The following USP43 variants were observed in gnomAD, a reference collection of about 807,000 sequenced individuals.
USP43 encodes ubiquitin specific peptidase 43, also known as ubiquitin carboxyl-terminal hydrolase 43.
Under a neutral mutation model 90.7 loss-of-function variants are expected in USP43, and 33 were observed. That is an observed-to-expected ratio of 0.36 (90% confidence interval 0.28 to 0.49). The LOEUF (loss-of-function observed/expected upper bound fraction) is 0.49. Among genes scored for constraint, USP43 ranks in the 20% least tolerant of loss-of-function variants. The pLI, the probability that USP43 is intolerant of heterozygous loss-of-function variation, is 0.98. For missense variants in USP43, 1,274 were observed against 1,476.4 expected (o/e 0.86, Z 2.25); for synonymous variants, 598 against 615.8 (o/e 0.97, Z 0.43).
At chr17:9,669,308 C>T (rs1489157660) in intron 3 of USP43, among the ~76,000 whole-genome samples, 3 of 152,164 alleles carry the variant, frequency 2.0e-5, no homozygotes, top group African/African-American at 7.2e-5. Context: ...CACTGATCAT[C>T]GCCAGCAGGT....
At chr17:9,650,448 G>T (rs561647735) in intron 1 of USP43, among the ~76,000 whole-genome samples, 2 of 152,092 alleles carry the variant, frequency 1.3e-5, no homozygotes, top group Non-Finnish European at 2.9e-5. Flanking sequence ...TGTCGCCCAG[G>T]CTGGAGTGCA....
chr17:9,711,911 T>C, intron 13 of USP43, 57 bp from the exon 14 acceptor site: 1 of 1,504,344 alleles, frequency 6.6e-7, no homozygotes. Context: ...GATGCTCCGC[T>C]AGGACTCTGA....
chr17:9,657,438 T>C (rs1270180052), intron 2 of USP43, among the ~76,000 whole-genome samples: 3 of 149,220 alleles, frequency 2.0e-5, no homozygotes, highest in African/African-American at 7.5e-5. Flanking sequence ...ATGTGGGAGG[T>C]GGAGTGAGCT....
chr17:9,689,839 AAAC>A (rs1452756973), intron 8 of USP43, among the ~76,000 whole-genome samples: 2 of 152,162 alleles, frequency 1.3e-5, no homozygotes, highest in African/African-American at 4.8e-5. Context: ...TTTGCTGTCC[AAAC>A]AACAAGGCTC....
chr17:9,724,932 G>A (rs1917179325), intron 14 of USP43, among the ~76,000 whole-genome samples: 1 of 131,604 alleles, frequency 7.6e-6, no homozygotes, highest in Non-Finnish European at 1.5e-5. Flanking sequence ...TCTGTGGCGG[G>A]GGGCAGGGGG....
At chr17:9,690,952 C>T (rs1914907603) in intron 8 of USP43, among the ~76,000 whole-genome samples, 1 of 152,136 alleles carries the variant, frequency 6.6e-6, no homozygotes, top group South Asian at 2.1e-4. Context: ...CTCCTTGTAG[C>T]TACCATTCTA....
chr17:9,679,516 CTTTTTTT>C lies in USP43; in HGVS notation c.970-695_970-689del, dbSNP rs544977324. ...CACGGTGCCCAGCCCTGAAATGCATCTTTTTTTTTTTTTTTTTTTTTTTTTTAATGAC... is the reference window on the plus strand; with the variant it reads ...CACGGTGCCCAGCCCTGAAATGCATCTTTTTTTTTTTTTTTTTTTAATGAC... On this transcript the variant is annotated intron_variant, in intron 5 of 14. Coordinates refer to ENST00000285199, the MANE Select transcript of USP43 (RefSeq NM_153210.5). 2.1e-4 allele frequency among the ~76,000 whole-genome samples: 17 copies of C among 82,310 alleles called. No individual in the cohort carries two copies. The East Asian group carries it at 5.5e-3, about 26-fold the overall frequency. The allele number at this position is 82,310 out of a possible 152,430, so 54.0% of individuals were successfully genotyped here. A position where few individuals can be genotyped will look rare whatever the true frequency, so the allele number is the denominator to read the frequency against.
intron 6 of USP43, among the ~76,000 whole-genome samples, chr17:9,681,770 A>C (rs1483227241): frequency 6.6e-6 from 1 of 151,942 alleles, no homozygotes; most frequent in Non-Finnish European, 1.5e-5. Flanking sequence ...CTGGGATTAC[A>C]GGTGTGAGCC....
chr17:9,658,144 T>C (rs1410897211), intron 2 of USP43, among the ~76,000 whole-genome samples: 3 of 152,214 alleles, frequency 2.0e-5, no homozygotes, highest in Non-Finnish European at 4.4e-5. Flanking sequence ...ATTCTCATTC[T>C]TTTCATTAAT....
At chr17:9,710,206 G>T in intron 13 of USP43, 92 bp downstream of exon 13, 1 of 1,312,654 alleles carries the variant, frequency 7.6e-7, no homozygotes, top group Non-Finnish European at 9.8e-7. Flanking sequence ...GACCAGGAGA[G>T]GTTGGCAAGG....
At position 9,710,500 on chromosome 17, in the gene USP43, C is replaced by CTTTTTT. The variant is rs753636549; in HGVS notation, c.2170+404_2170+409dup. On this transcript the variant is annotated intron_variant, in intron 13 of 14. Transcript: ENST00000285199. ...TGCAGGACTTTTCTAGGAAAGGTAG[C>CTTTTTT]TTTTTTTTTTTTTTTTTTTTTTTGA... 8.6e-4 allele frequency among the ~76,000 whole-genome samples: 74 copies of CTTTTTT among 86,038 alleles called. 3 individuals carry two copies. The highest frequency in any genetic ancestry group is 1.9e-3 in the East Asian group (5 of 2,586). 56.4% of individuals were successfully genotyped at this position (86,038 alleles called of 152,430 possible).
chr17:9,693,292 T>C (rs1915070325), intron 9 of USP43, 62 bp downstream of exon 9: 5 of 1,357,160 alleles, frequency 3.7e-6, no homozygotes, highest in Non-Finnish European at 5.2e-6. Context: ...CCAGAGTCCT[T>C]TGAGGGTATA....
chr17:9,707,303 T>C (rs1915938598), intron 12 of USP43, among the ~76,000 whole-genome samples: 2 of 152,172 alleles, frequency 1.3e-5, no homozygotes, highest in South Asian at 4.1e-4. Flanking sequence ...ATTTACTACA[T>C]GTGATATACC....
In USP43 at chr17:9,713,208, C is replaced by A. The variant is rs1027734449; in HGVS notation, c.2335+1076C>A. Among the ~76,000 whole-genome samples, 5 of 152,118 alleles carry A rather than the reference C, an allele frequency of 3.3e-5. No homozygotes were observed. In the East Asian group the frequency reaches 9.6e-4, roughly 29 times the overall value. ...GGTTCGAGCAATACTCCTTCCTCAG[C>A]CTCTAGAGTAGCTGGGATTACAGGC... is the stretch of plus-strand genomic sequence containing the variant. On this transcript the variant is annotated intron_variant, in intron 14 of 14. Coordinates refer to ENST00000285199, the MANE Select transcript of USP43 (RefSeq NM_153210.5).
chr17:9,685,623 A>G (rs1306339982), intron 7 of USP43, among the ~76,000 whole-genome samples: 1 of 152,214 alleles, frequency 6.6e-6, no homozygotes, highest in African/African-American at 2.4e-5. Flanking sequence ...ATTTGTTACA[A>G]GGTTCTCTGA....
At chr17:9,653,533 A>G (rs1335616376) in intron 1 of USP43, among the ~76,000 whole-genome samples, 1 of 152,128 alleles carries the variant, frequency 6.6e-6, no homozygotes, top group Non-Finnish European at 1.5e-5. Flanking sequence ...GGTTGCAGTG[A>G]GCCAAGGTCG....
intron 9 of USP43, among the ~76,000 whole-genome samples, chr17:9,698,445 C>G (rs577191968): frequency 5.3e-5 from 8 of 152,218 alleles, no homozygotes; most frequent in Non-Finnish European, 1.0e-4. Context: ...GTGTGTGTCC[C>G]CAGACACCTG....
chr17:9,645,374 A>G (rs1911285623), upstream of USP43: 1 of 257,820 alleles, frequency 3.9e-6, no homozygotes, highest in Admixed American at 5.4e-5. The surrounding 1 kb of genome is among the most constrained non-coding windows in gnomAD (Gnocchi z 6.8). Flanking sequence ...GACCACGAAG[A>G]CTCCCAGTCA....
intron 5 of USP43, 114 bp from the exon 6 acceptor site, chr17:9,680,117 C>T (rs1914067552): frequency 2.6e-6 from 3 of 1,145,556 alleles, no homozygotes; most frequent in Non-Finnish European, 3.7e-6. Context: ...AAATAAGTAG[C>T]CAATTGGAAG....
Sources: gnomAD v4.1 joint callset for allele counts (sites outside exome capture counted in the v4.1 genomes callset) on GRCh38, gnomAD v4.1.1 for gene constraint, Gnocchi (gnomAD v3.1) non-coding constraint, MANE v1.5 for transcripts, NCBI Gene and HGNC (gene_info 2026-07-23, HGNC 2026-07-21) for gene names.